The following WDPCP variants were observed in gnomAD, a reference collection of about 807,000 sequenced individuals.
WDPCP encodes WD repeat containing planar cell polarity effector.
WDPCP carries 71 observed loss-of-function variants against 93.1 expected under a neutral mutation model. The observed-to-expected ratio is 0.76, with a 90% CI of 0.63 to 0.93. WDPCP has a LOEUF of 0.93. Among genes scored for constraint, WDPCP ranks in the 40% least tolerant of loss-of-function variants. The probability of loss-of-function intolerance (pLI) is 0.00; values close to 1 mark genes in which losing one functional copy is unlikely to be tolerated. For missense variants in WDPCP, 844 were observed against 887.4 expected (o/e 0.95, Z 0.62); for synonymous variants, 315 against 315.0 (o/e 1.00, Z 0.00).
At chr2:63,144,234 G>A (rs1671304485) in intron 17 of WDPCP, among the ~76,000 whole-genome samples, 1 of 151,590 alleles carries the variant, frequency 6.6e-6, no homozygotes, top group Non-Finnish European at 1.5e-5. Context: ...AATTCTATTG[G>A]TGAGACTTTC....
intron 1 of WDPCP, among the ~76,000 whole-genome samples, chr2:63,556,988 A>C (rs1353521666): frequency 2.0e-5 from 3 of 152,240 alleles, no homozygotes; most frequent in Non-Finnish European, 2.9e-5. Flanking sequence ...CATCACCACC[A>C]GGCCTTCCTT....
chr2:63,291,794 G>A (rs1214641947), intron 13 of WDPCP, among the ~76,000 whole-genome samples: 1 of 141,918 alleles, frequency 7.0e-6, no homozygotes, highest in Non-Finnish European at 1.5e-5. Flanking sequence ...GGGCAACAGA[G>A]TGAGATTCTC....
At chr2:63,596,138 C>T (rs1207860223) in intron 3 of WDPCP, among the ~76,000 whole-genome samples, 1 of 152,088 alleles carries the variant, frequency 6.6e-6, no homozygotes, top group Admixed American at 6.5e-5. Flanking sequence ...TAAATTTGAT[C>T]GAAAAGTTTA....
intron 1 of WDPCP, among the ~76,000 whole-genome samples, chr2:63,534,613 A>G (rs1241748409): frequency 1.3e-5 from 2 of 152,236 alleles, no homozygotes; most frequent in Non-Finnish European, 2.9e-5. Flanking sequence ...CAAAAACCAC[A>G]TGATTATCTC....
At chr2:63,732,445 A>G (rs1367337466) in intron 2 of WDPCP, among the ~76,000 whole-genome samples, 2 of 152,244 alleles carry the variant, frequency 1.3e-5, no homozygotes, top group Non-Finnish European at 2.9e-5. Flanking sequence ...TTTCCATAAG[A>G]TAAAATGCAG....
At chr2:63,832,837 T>C (rs1488203151), upstream of WDPCP, among the ~76,000 whole-genome samples, 2 of 152,196 alleles carry the variant, frequency 1.3e-5, no homozygotes, top group Non-Finnish European at 2.9e-5. Context: ...AATAAATATT[T>C]AATAAGTTAT....
chr2:63,378,341 A>G (rs775820851), intron 12 of WDPCP, 45 bp downstream of exon 12: 54 of 1,611,200 alleles, frequency 3.4e-5, no homozygotes, highest in Non-Finnish European at 3.4e-6. Context: ...GTCTCCTGAA[A>G]TAAGTAATTA....
intron 2 of WDPCP, among the ~76,000 whole-genome samples, chr2:63,774,636 A>G (rs1455779066): frequency 6.6e-6 from 1 of 152,200 alleles, no homozygotes; most frequent in Non-Finnish European, 1.5e-5. Context: ...CATTTATGGC[A>G]TACCCAGTTC....
chr2:63,647,290 A>T (rs1403700554), intron 3 of WDPCP, among the ~76,000 whole-genome samples: 1 of 152,092 alleles, frequency 6.6e-6, no homozygotes, highest in Non-Finnish European at 1.5e-5. Flanking sequence ...GGTGCCCGCC[A>T]CCACGCCCAG....
chr2:63,504,326 G>T (rs1200821026), intron 1 of WDPCP, among the ~76,000 whole-genome samples: 8 of 51,648 alleles, frequency 1.5e-4, no homozygotes, highest in Admixed American at 1.2e-3. Flanking sequence ...GTACTAAATT[G>T]TGTGTGTGTG....
At chr2:63,817,734 GT>G (rs1670958138) in intron 1 of WDPCP, among the ~76,000 whole-genome samples, 1 of 152,090 alleles carries the variant, frequency 6.6e-6, no homozygotes, top group Non-Finnish European at 1.5e-5. Context: ...CTCTACTAAA[GT>G]TATAGTCTGT....
At chr2:63,284,554 G>C (rs1446111663) in intron 13 of WDPCP, among the ~76,000 whole-genome samples, 1 of 152,118 alleles carries the variant, frequency 6.6e-6, no homozygotes, top group Non-Finnish European at 1.5e-5. Flanking sequence ...GAGCTTTGGG[G>C]CCATAATTTG....
chr2:63,327,311 T>C (rs572826055), intron 12 of WDPCP, among the ~76,000 whole-genome samples: 1 of 152,320 alleles, frequency 6.6e-6, no homozygotes, highest in East Asian at 1.9e-4. Context: ...AATTCTAAGT[T>C]AATATGGACT....
At chr2:63,474,397 T>C (rs10084330) in intron 6 of WDPCP, among the ~76,000 whole-genome samples, 268 of 152,250 alleles carry the variant, frequency 1.8e-3, no homozygotes, top group Middle Eastern at 6.8e-3. Context: ...ACATTTACTT[T>C]AATTGGACAT....
intron 1 of WDPCP, among the ~76,000 whole-genome samples, chr2:63,497,997 A>G (rs1701332631): frequency 6.6e-6 from 1 of 152,218 alleles, no homozygotes; most frequent in Admixed American, 6.5e-5. Context: ...CCTGAGCAAT[A>G]TAACCCAATG....
At chr2:63,350,560 A>G (rs531005278) in intron 12 of WDPCP, among the ~76,000 whole-genome samples, 48 of 151,940 alleles carry the variant, frequency 3.2e-4, no homozygotes, top group African/African-American at 1.1e-3. Context: ...ACCCATTGTC[A>G]GTCCCTGGAA....
At chr2:63,344,645 G>A (rs923168102) in intron 12 of WDPCP, among the ~76,000 whole-genome samples, 17 of 152,230 alleles carry the variant, frequency 1.1e-4, no homozygotes, top group Admixed American at 3.3e-4. Flanking sequence ...GCCATCCCTT[G>A]ACTGAGACAG....
chr2:63,154,230 T>C (rs531673068), intron 15 of WDPCP, among the ~76,000 whole-genome samples: 52 of 152,178 alleles, frequency 3.4e-4, no homozygotes, highest in African/African-American at 1.3e-3. Flanking sequence ...GATGTTTAGA[T>C]TCCTGTTATT....
intron 9 of WDPCP, among the ~76,000 whole-genome samples, chr2:63,412,813 C>A (rs1345333982): frequency 6.6e-6 from 1 of 151,826 alleles, no homozygotes; most frequent in Non-Finnish European, 1.5e-5. Context: ...TATACCTAAC[C>A]AAGGAGTCGA....
Sources: gnomAD v4.1 joint callset for allele counts (sites outside exome capture counted in the v4.1 genomes callset) on GRCh38, gnomAD v4.1.1 for gene constraint, MANE v1.5 for transcripts, NCBI Gene and HGNC (gene_info 2026-07-23, HGNC 2026-07-21) for gene names.